Variants in FBXO24 observed in about 807,000 individuals in gnomAD.
FBXO24 encodes F-box only protein 24.
A neutral mutation model predicts 63.5 loss-of-function variants in FBXO24; 30 were observed. The observed-to-expected ratio is 0.47, with a 90% CI of 0.35 to 0.64. The LOEUF (loss-of-function observed/expected upper bound fraction) is 0.64, where lower values mean the gene tolerates loss of function less well. Ranked by LOEUF, FBXO24 falls within the 30% of genes least tolerant of loss-of-function variation. The pLI, the probability that FBXO24 is intolerant of heterozygous loss-of-function variation, is 0.00. For missense variants in FBXO24, 624 were observed against 763.4 expected (o/e 0.82, Z 2.15); for synonymous variants, 300 against 305.0 (o/e 0.98, Z 0.17).
At chr7:100,589,597 G>A in intron 1 of FBXO24, 1 of 1,446,732 alleles carries the variant, frequency 6.9e-7, no homozygotes, top group East Asian at 2.5e-5. Flanking sequence ...AGGGGCCTAG[G>A]AGGCAGAGGG....
chr7:100,586,746 G>A (rs757571371), intron 1 of FBXO24, 82 bp downstream of exon 1: 8 of 1,492,260 alleles, frequency 5.4e-6, no homozygotes, highest in Non-Finnish European at 6.5e-6. Context: ...CGCTGCAGTG[G>A]CGAGTGCGAG....
intron 8 of FBXO24, 151 bp downstream of exon 8, chr7:100,595,857 C>T: frequency 9.3e-7 from 1 of 1,071,244 alleles, no homozygotes; most frequent in South Asian, 1.7e-5. Context: ...TGGTACTACC[C>T]CATGTCTTAC....
At chr7:100,588,722 A>T (rs1801865375) in intron 1 of FBXO24, among the ~76,000 whole-genome samples, 1 of 152,172 alleles carries the variant, frequency 6.6e-6, no homozygotes, top group Admixed American at 6.5e-5. Flanking sequence ...CCTGGGAGAA[A>T]TCCTAAGCTT....
chr7:100,596,356 G>A lies in FBXO24; in HGVS notation c.1206+650G>A, dbSNP rs535525329. On this transcript the variant is annotated intron_variant, in intron 8 of 9. Coordinates refer to ENST00000241071, the MANE Select transcript of FBXO24 (RefSeq NM_033506.3). Reference sequence around the variant, plus strand: ...GGTAGGGATAGAGAAGGCATTCTGTGTGATGAGGAGGGGGATAGGCACGAA... The same window carrying A: ...GGTAGGGATAGAGAAGGCATTCTGTATGATGAGGAGGGGGATAGGCACGAA... Among the ~76,000 whole-genome samples, 12 of 152,348 alleles carry A rather than the reference G, an allele frequency of 7.9e-5. No individual in the cohort carries two copies. The Middle Eastern group carries it at 0.01, about 130-fold the overall frequency.
chr7:100,587,174 C>A (rs1391775989), intron 1 of FBXO24, among the ~76,000 whole-genome samples: 1 of 152,226 alleles, frequency 6.6e-6, no homozygotes, highest in African/African-American at 2.4e-5. Flanking sequence ...AGCTGGCTTG[C>A]TCTAGAAACC....
intron 8 of FBXO24, among the ~76,000 whole-genome samples, chr7:100,598,393 C>T (rs541995078): frequency 8.5e-5 from 13 of 152,110 alleles, no homozygotes; most frequent in Non-Finnish European, 1.3e-4. Context: ...AAAGCGCTAA[C>T]AGGCTCAGGA....
chr7:100,596,952 G>A (rs892677837), intron 8 of FBXO24, among the ~76,000 whole-genome samples: 2 of 152,174 alleles, frequency 1.3e-5, no homozygotes, highest in African/African-American at 4.8e-5. Context: ...TGAGGCACGA[G>A]AATTGCTTGA....
At chr7:100,590,117 G>C (rs1445570642) in intron 2 of FBXO24, 42 bp downstream of exon 2, 1 of 1,607,406 alleles carries the variant, frequency 6.2e-7, no homozygotes, top group Admixed American at 1.7e-5. Flanking sequence ...TAGGATTGGG[G>C]GCCAGATCAC....
Position 100,600,994 on chromosome 7 carries a change from G to A in FBXO24, c.*95G>A. ...CCATTGTGCACATGCGTGTGGGAAG[G>A]GGTTGCTAGGGGGTGGGGACGGCTA... On this transcript the variant is annotated 3_prime_UTR_variant, in exon 10 of 10. Coordinates refer to ENST00000241071, the MANE Select transcript of FBXO24 (RefSeq NM_033506.3). This position sits in a 1 kb window ranked among gnomAD's most constrained non-coding sequence, Gnocchi z 6.3. 1 of 1,499,804 alleles carries A rather than the reference G, an allele frequency of 6.7e-7. No homozygotes were observed. The highest frequency in any genetic ancestry group is 8.9e-7 in the Non-Finnish European group (1 of 1,127,542). 92.9% of individuals were successfully genotyped at this position (1,499,804 alleles called of 1,614,324 possible).
chr7:100,596,710 G>C (rs1158276565), intron 8 of FBXO24, among the ~76,000 whole-genome samples: 1 of 152,060 alleles, frequency 6.6e-6, no homozygotes, highest in Non-Finnish European at 1.5e-5. Context: ...AATGAATAGG[G>C]CCTCAAAACT....
In FBXO24 at chr7:100,590,299, G is replaced by C. The variant is rs775707941; in HGVS notation, c.264G>C (p.Pro88=). 1.2e-6 allele frequency: 2 copies of C among 1,614,112 alleles called. No individual in the cohort carries two copies. The highest frequency in any genetic ancestry group is 2.2e-5 in the South Asian group (2 of 91,084). The change falls in exon 3 of 10, where the codon CCG becomes CCC. Residue 88 remains proline (P), a synonymous_variant. Coordinates refer to ENST00000241071, the MANE Select transcript of FBXO24 (RefSeq NM_033506.3). The part of the protein sequence containing the change: ...VWRRICRRLS[P]RLQDQGSGVR... ...GACGCATCTGTCGCAGACTCAGTCC[G>C]CGCCTCCAAGATCAGGGTTCTGGAG... is the stretch of plus-strand genomic sequence containing the variant.
chr7:100,598,334 A>C (rs1291320403), intron 8 of FBXO24, among the ~76,000 whole-genome samples: 3 of 152,226 alleles, frequency 2.0e-5, no homozygotes, highest in Non-Finnish European at 4.4e-5. Context: ...CCAATGTTTC[A>C]TAATTTTTCT....
chr7:100,595,130 T>A lies in FBXO24; in HGVS notation c.981T>A (p.His327Gln). Reference protein sequence around the residue: ...TDQGGVYFEVHTPGVYRDLFG... With the variant: ...TDQGGVYFEVQTPGVYRDLFG... ...AGGGGGGAGTGTATTTTGAGGTGCA[T>A]ACCCCAGGGGTGTATCGCGATCTCT... The change falls in exon 7 of 10, where the codon CAT becomes CAA. Residue 327 changes from histidine (H) to glutamine (Q), a missense_variant. This residue lies in a region of FBXO24 where 391 missense variants were observed against 469.1 expected (regional missense o/e 0.83). Coordinates refer to ENST00000241071, the MANE Select transcript of FBXO24 (RefSeq NM_033506.3). 6.2e-7 allele frequency: 1 copy of A among 1,613,936 alleles called. No homozygotes were observed. Among genetic ancestry groups the A allele is most frequent in the Non-Finnish European group, 8.5e-7 (1 of 1,179,908 alleles).
In FBXO24 at chr7:100,595,172, C is replaced by T; in HGVS notation, c.1023C>T (p.Ala341=). 1 of 1,614,164 alleles carries T rather than the reference C, an allele frequency of 6.2e-7. No homozygotes were observed. Among genetic ancestry groups the T allele is most frequent in the Non-Finnish European group, 8.5e-7 (1 of 1,180,016 alleles). The change falls in exon 7 of 10, where the codon GCC becomes GCT. Residue 341 remains alanine (A), a synonymous_variant. Coordinates refer to ENST00000241071, the MANE Select transcript of FBXO24 (RefSeq NM_033506.3). ...VYRDLFGTLQ[A]FDPLDQQMPL... Reference sequence around the variant, plus strand: ...GCGATCTCTTTGGGACCCTTCAAGCCTTTGACCCCCTGGACCAGCAGATGC... The same window carrying T: ...GCGATCTCTTTGGGACCCTTCAAGCTTTTGACCCCCTGGACCAGCAGATGC...
At position 100,600,948 on chromosome 7, in the gene FBXO24, C is replaced by T. The variant is rs762699399; in HGVS notation, c.*49C>T. 1.3e-6 allele frequency: 2 copies of T among 1,575,610 alleles called. No individual in the cohort carries two copies. The highest frequency in any genetic ancestry group is 1.7e-6 in the Non-Finnish European group (2 of 1,163,608). On this transcript the variant is annotated 3_prime_UTR_variant, in exon 10 of 10. Transcript: ENST00000241071. This position sits in a 1 kb window ranked among gnomAD's most constrained non-coding sequence, Gnocchi z 6.3. ...CTGGAGGAGGGAGTCCGGCCCCAGG[C>T]CAGGGACTAAGGAGCAATGACCATT...
chr7:100,586,453 A>G lies in FBXO24; in HGVS notation c.-173A>G, dbSNP rs541030313. On this transcript the variant is annotated 5_prime_UTR_variant, in exon 1 of 10. Coordinates refer to ENST00000241071, the MANE Select transcript of FBXO24 (RefSeq NM_033506.3). ...CAAGAGGAGGGGACACCGGCACTCCACTAGCAGGAAAACGGGCCGAGGGAC... is the reference window on the plus strand; with the variant it reads ...CAAGAGGAGGGGACACCGGCACTCCGCTAGCAGGAAAACGGGCCGAGGGAC... 1 of 699,412 alleles carries G rather than the reference A, an allele frequency of 1.4e-6. No homozygotes were observed. Among genetic ancestry groups the G allele is most frequent in the East Asian group, 2.7e-5 (1 of 37,068 alleles). 43.3% of individuals were successfully genotyped at this position (699,412 alleles called of 1,614,324 possible). A position where few individuals can be genotyped will look rare whatever the true frequency, so the allele number is the denominator to read the frequency against.
At chr7:100,587,602 C>CTTTT (rs138687549) in intron 1 of FBXO24, among the ~76,000 whole-genome samples, 1 of 117,830 alleles carries the variant, frequency 8.5e-6, no homozygotes, top group Non-Finnish European at 1.7e-5. Flanking sequence ...CGCGCCCGGC[C>CTTTT]TTTTTTTTTT....
intron 1 of FBXO24, among the ~76,000 whole-genome samples, chr7:100,587,389 A>G (rs1801809229): frequency 6.6e-6 from 1 of 151,634 alleles, no homozygotes; most frequent in South Asian, 2.1e-4. Flanking sequence ...AGCAACCTCC[A>G]CTGTCCGGGT....
chr7:100,593,271 G>T (rs1802119890), intron 5 of FBXO24, among the ~76,000 whole-genome samples: 1 of 152,016 alleles, frequency 6.6e-6, no homozygotes, highest in South Asian at 2.1e-4. Context: ...GAGGTGAGCA[G>T]ATCACCTGAG....
Sources: gnomAD v4.1 joint callset for allele counts (sites outside exome capture counted in the v4.1 genomes callset) on GRCh38, gnomAD v4.1.1 for gene constraint, gnomAD v4.1.1 regional missense constraint, Gnocchi (gnomAD v3.1) non-coding constraint, MANE v1.5 for transcripts, NCBI Gene and HGNC (gene_info 2026-07-23, HGNC 2026-07-21) for gene names.